ASIC2: variants seen among roughly 807,000 people sequenced by gnomAD.
The protein encoded by ASIC2 is acid sensing ion channel subunit 2.
Under a neutral mutation model 57.3 loss-of-function variants are expected in ASIC2, and 25 were observed. The observed-to-expected ratio is 0.44, with a 90% CI of 0.32 to 0.61. The LOEUF (loss-of-function observed/expected upper bound fraction) is 0.61, where lower values mean the gene tolerates loss of function less well. ASIC2 is among the 20% of genes least tolerant of loss of function. ASIC2 has a pLI of 0.06. For missense variants in ASIC2, 641 were observed against 738.1 expected (o/e 0.87, Z 1.52); for synonymous variants, 319 against 307.5 (o/e 1.04, Z -0.39).
intron 1 of ASIC2, among the ~76,000 whole-genome samples, chr17:33,247,052 T>A (rs965133189): frequency 5.9e-5 from 9 of 152,244 alleles, no homozygotes; most frequent in Admixed American, 3.9e-4. Flanking sequence ...TTTATCTACA[T>A]TTCCACCACA....
intron 1 of ASIC2, among the ~76,000 whole-genome samples, chr17:33,264,374 T>C (rs1909386164): frequency 6.6e-6 from 1 of 152,244 alleles, no homozygotes; most frequent in African/African-American, 2.4e-5. Context: ...AGTGAATCCT[T>C]ACAATAATCT....
chr17:33,050,666 A>G (rs2091971491), intron 3 of ASIC2, among the ~76,000 whole-genome samples: 1 of 152,204 alleles, frequency 6.6e-6, no homozygotes, highest in Admixed American at 6.5e-5. Flanking sequence ...AGATGAGCAG[A>G]TGCAAACTGT....
intron 1 of ASIC2, among the ~76,000 whole-genome samples, chr17:33,272,621 G>A (rs564644666): frequency 1.9e-4 from 29 of 152,006 alleles, no homozygotes; most frequent in Admixed American, 5.2e-4. Context: ...CTCCATCATC[G>A]TCATCGTGAG....
intron 1 of ASIC2, among the ~76,000 whole-genome samples, chr17:33,470,395 G>A (rs527754978): frequency 1.3e-5 from 2 of 152,334 alleles, no homozygotes; most frequent in South Asian, 2.1e-4. Flanking sequence ...GCCCCCAGGT[G>A]AGTCTGATGA....
At chr17:33,805,687 C>G (rs1301511239) in intron 1 of ASIC2, among the ~76,000 whole-genome samples, 1 of 152,084 alleles carries the variant, frequency 6.6e-6, no homozygotes, top group Non-Finnish European at 1.5e-5. Flanking sequence ...GTTGGAGAAT[C>G]CTGTTTCTGA....
intron 1 of ASIC2, among the ~76,000 whole-genome samples, chr17:33,807,545 GTCTC>G (rs999695611): frequency 7.9e-5 from 12 of 151,792 alleles, no homozygotes; most frequent in African/African-American, 1.9e-4. Flanking sequence ...TCAGGGTTCA[GTCTC>G]TCTCTCTCTC....
intron 1 of ASIC2, among the ~76,000 whole-genome samples, chr17:33,769,398 A>G (rs7216256): frequency 0.2 from 30,045 of 151,972 alleles, 5,103 homozygotes; most frequent in African/African-American, 0.46. Flanking sequence ...GCTCCCTCAC[A>G]CAAGGGCCTG....
At chr17:33,165,686 C>T (rs1407755901) in intron 1 of ASIC2, among the ~76,000 whole-genome samples, 8 of 152,214 alleles carry the variant, frequency 5.3e-5, no homozygotes, top group Non-Finnish European at 1.2e-4. Flanking sequence ...TTTAAGAAGC[C>T]CAGTTCCAGA....
intron 1 of ASIC2, among the ~76,000 whole-genome samples, chr17:33,912,835 G>A (rs1350231100): frequency 3.9e-5 from 6 of 151,992 alleles, no homozygotes; most frequent in South Asian, 2.1e-4. Context: ...CAAAATTAGC[G>A]GGGCGTGGTG....
intron 1 of ASIC2, chr17:34,038,739 CT>C (rs1268220873): frequency 6.2e-5 from 100 of 1,608,636 alleles, no homozygotes; most frequent in Non-Finnish European, 8.1e-5. Context: ...TCATGGTATT[CT>C]TTTAACGTTA....
At chr17:33,798,811 G>A (rs1911995404) in intron 1 of ASIC2, among the ~76,000 whole-genome samples, 2 of 152,138 alleles carry the variant, frequency 1.3e-5, no homozygotes, top group Admixed American at 1.3e-4. Flanking sequence ...AGGGATCAGG[G>A]CCACCAGCAA....
intron 1 of ASIC2, among the ~76,000 whole-genome samples, chr17:33,858,830 G>A (rs1914031550): frequency 6.6e-6 from 1 of 152,234 alleles, no homozygotes; most frequent in Non-Finnish European, 1.5e-5. Context: ...CAGACACAAG[G>A]AGGCAGATGT....
At chr17:33,363,402 C>T (rs1908686085) in intron 1 of ASIC2, among the ~76,000 whole-genome samples, 1 of 152,202 alleles carries the variant, frequency 6.6e-6, no homozygotes, top group South Asian at 2.1e-4. Flanking sequence ...CCGTTGGTTG[C>T]TGCAAATGAA....
intron 1 of ASIC2, among the ~76,000 whole-genome samples, chr17:33,806,006 A>G (rs1335430274): frequency 3.3e-5 from 5 of 152,220 alleles, no homozygotes; most frequent in African/African-American, 1.2e-4. Context: ...TTCTTCACAG[A>G]GCCGCAGTCC....
intron 1 of ASIC2, among the ~76,000 whole-genome samples, chr17:33,218,136 G>T (rs868044187): frequency 1.3e-5 from 2 of 152,324 alleles, no homozygotes; most frequent in South Asian, 2.1e-4. Flanking sequence ...TAAATCGGCC[G>T]TGCTGTTGAC....
At chr17:33,911,407 A>G (rs1027987478) in intron 1 of ASIC2, among the ~76,000 whole-genome samples, 18 of 152,194 alleles carry the variant, frequency 1.2e-4, no homozygotes, top group African/African-American at 4.1e-4. Context: ...GGCAGCTTCC[A>G]GCTTTCTGCT....
intron 1 of ASIC2, among the ~76,000 whole-genome samples, chr17:33,691,436 A>T (rs189624824): frequency 6.6e-6 from 1 of 152,240 alleles, no homozygotes; most frequent in South Asian, 2.1e-4. Flanking sequence ...AAAACATAGT[A>T]TTTATTTTTG....
At chr17:34,150,938 C>T (rs1201504397) in intron 1 of ASIC2, among the ~76,000 whole-genome samples, 3 of 151,862 alleles carry the variant, frequency 2.0e-5, no homozygotes, top group Non-Finnish European at 4.4e-5. Context: ...TCTGGTGAGA[C>T]CCCATCTCTA....
rs554081996 is a variant in ASIC2, at chr17:33,157,977, C to G, written c.709-45910G>C. 2.6e-5 allele frequency among the ~76,000 whole-genome samples: 4 copies of G among 152,342 alleles called. No individual in the cohort carries two copies. In the South Asian group the frequency reaches 8.3e-4, roughly 32 times the overall value. Reference sequence around the variant, plus strand: ...GCTTCTGCCCTTGCTGTTCCCTCCTCCTGGAATGTTCCTCCCCCAGCATTG... The same window carrying G: ...GCTTCTGCCCTTGCTGTTCCCTCCTGCTGGAATGTTCCTCCCCCAGCATTG... On this transcript the variant is annotated intron_variant, in intron 1 of 9. Coordinates refer to ENST00000225823, the MANE Select transcript of ASIC2 (RefSeq NM_183377.2).
Sources: allele counts gnomAD v4.1 joint callset (sites outside exome capture counted in the v4.1 genomes callset), GRCh38; gene constraint gnomAD v4.1.1; transcripts MANE v1.5; gene names NCBI Gene and HGNC (gene_info 2026-07-23, HGNC 2026-07-21).